The following CACNA1B variants were observed in gnomAD, a reference collection of about 807,000 sequenced individuals.
CACNA1B encodes the protein voltage-dependent N-type calcium channel subunit alpha-1B.
In CACNA1B, 70 loss-of-function variants were observed where a neutral mutation model predicts 247.2. The observed-to-expected ratio is 0.28, with a 90% CI of 0.23 to 0.35. The LOEUF (loss-of-function observed/expected upper bound fraction) is 0.35. Among genes scored for constraint, CACNA1B ranks in the 10% least tolerant of loss-of-function variants. The probability of loss-of-function intolerance (pLI) is 1.00; values close to 1 mark genes in which losing one functional copy is unlikely to be tolerated. For missense variants in CACNA1B, 2,367 were observed against 3,197.4 expected (o/e 0.74, Z 6.26); for synonymous variants, 1,231 against 1,294.4 (o/e 0.95, Z 1.05).
rs1307143332 is a variant in CACNA1B at position 137,890,248 on chromosome 9, G to T, written c.530+7365G>T. On this transcript the variant is annotated intron_variant, in intron 3 of 46. Transcript: ENST00000371372. ...CCTGGCATAGCCGACCCAAGGGAGGGTTGGCCTCTCTGCGGATCTTTCACC... is the reference window on the plus strand; with the variant it reads ...CCTGGCATAGCCGACCCAAGGGAGGTTTGGCCTCTCTGCGGATCTTTCACC... 3 of 149,826 alleles carry T rather than the reference G, an allele frequency of 2.0e-5. 1 individual carries two copies. The Admixed American group carries it at 2.0e-4, about 10-fold the overall frequency. 9.3% of individuals were successfully genotyped at this position (149,826 alleles called of 1,614,324 possible). A position where few individuals can be genotyped will look rare whatever the true frequency, so the allele number is the denominator to read the frequency against.
intron 36 of CACNA1B, among the ~76,000 whole-genome samples, chr9:138,086,606 TACA>T (rs775334130): frequency 6.6e-5 from 10 of 151,140 alleles, no homozygotes; most frequent in Non-Finnish European, 1.5e-4. Context: ...AGCAAGAAAA[TACA>T]ACAATTGTCA....
In CACNA1B at chr9:138,118,688, G is replaced by A. The variant is rs201620164; in HGVS notation, c.5950G>A (p.Gly1984Ser). Residue 1984 changes from glycine to serine, a missense_variant, in exon 44 of 47, where the codon GGC (glycine) becomes AGC (serine). Physicochemically the swap from Gly to Ser is moderately conservative, Grantham distance 56. Transcript: ENST00000371372. ...DVQMQSITRR[G>S]PDGEPQPGLE... ...TCAGATGCAGAGCATAACCCGGAGG[G>A]GCCCTGATGGGGAGCCCCAGCCTGG... is the stretch of plus-strand genomic sequence containing the variant. 6 of 1,565,938 alleles carry A rather than the reference G, an allele frequency of 3.8e-6. No homozygotes were observed. Among genetic ancestry groups the A allele is most frequent in the South Asian group, 1.2e-5 (1 of 85,098 alleles).
chr9:137,914,925 T>C lies in CACNA1B; in HGVS notation c.775+119T>C. 1 of 1,085,810 alleles carries C rather than the reference T, an allele frequency of 9.2e-7. No homozygotes were observed. Among genetic ancestry groups the C allele is most frequent in the Non-Finnish European group, 1.3e-6 (1 of 771,384 alleles). The allele number at this position is 1,085,810 out of a possible 1,614,324, so 67.3% of individuals were successfully genotyped here. ...TGGTGCCAGATACATGAGGTGGAGC[T>C]GACATTCTAGTGGGGGACATAGACG... On this transcript the variant is annotated intron_variant, in intron 5 of 46. Coordinates refer to ENST00000371372, the MANE Select transcript of CACNA1B (RefSeq NM_000718.4). This position sits in a 1 kb window ranked among gnomAD's most constrained non-coding sequence, Gnocchi z 4.3.
rs942359178 is a variant in CACNA1B at position 137,968,590 on chromosome 9, A to G, written c.1334-2793A>G. 3.9e-5 allele frequency among the ~76,000 whole-genome samples: 6 copies of G among 152,258 alleles called. No homozygotes were observed. The East Asian group carries it at 9.6e-4, about 24-fold the overall frequency. On this transcript the variant is annotated intron_variant, in intron 10 of 46. Coordinates refer to ENST00000371372, the MANE Select transcript of CACNA1B (RefSeq NM_000718.4). The stretch of plus-strand genomic sequence containing the variant: ...TGGCAAATACAGCAGCTGCACTGGA[A>G]GGAAACACTTTCTTGTCTGTCTCCC...
chr9:137,956,281 C>T (rs1268370124), intron 8 of CACNA1B, among the ~76,000 whole-genome samples: 1 of 152,186 alleles, frequency 6.6e-6, no homozygotes, highest in African/African-American at 2.4e-5. Context: ...AGACACAAGG[C>T]GGCTGAGTCC....
intron 16 of CACNA1B, among the ~76,000 whole-genome samples, chr9:138,009,132 A>G (rs1425178138): frequency 1.3e-5 from 2 of 152,226 alleles, no homozygotes; most frequent in Admixed American, 6.5e-5. Context: ...CCGTGATGGG[A>G]CAAGGACCTG....
At position 138,015,412 on chromosome 9, in the gene CACNA1B, T is replaced by TGCGTGGCCTGCG. The variant is rs1228068804; in HGVS notation, c.2267+2178_2267+2179insCGTGGCCTGCGG. Among the ~76,000 whole-genome samples the TGCGTGGCCTGCG allele has an allele frequency of 1.4e-3, 209 of 152,068 alleles. 7 individuals are homozygous for TGCGTGGCCTGCG. The highest frequency in any genetic ancestry group is 4.7e-3 in the African/African-American group (193 of 41,318). On this transcript the variant is annotated intron_variant, in intron 18 of 46. Coordinates refer to ENST00000371372, the MANE Select transcript of CACNA1B (RefSeq NM_000718.4). ...TGCTGTTTGCGTGCCTGTGTTGTGCTGAGACCTCCGAGGGCTGAAAGCTGT... is the reference window on the plus strand; with the variant it reads ...TGCTGTTTGCGTGCCTGTGTTGTGCTGCGTGGCCTGCGGAGACCTCCGAGGGCTGAAAGCTGT...
At chr9:138,066,642 G>T (rs1290001261) in intron 31 of CACNA1B, among the ~76,000 whole-genome samples, 1 of 152,160 alleles carries the variant, frequency 6.6e-6, no homozygotes, top group Non-Finnish European at 1.5e-5. Flanking sequence ...TTCTGAATAA[G>T]TCATGGGTAA....
intron 10 of CACNA1B, among the ~76,000 whole-genome samples, chr9:137,965,434 A>T (rs1958063320): frequency 1.3e-5 from 2 of 152,244 alleles, no homozygotes; most frequent in Non-Finnish European, 1.5e-5. Flanking sequence ...TAATCCCAGC[A>T]GTTTGAGAGG....
intron 32 of CACNA1B, among the ~76,000 whole-genome samples, chr9:138,071,983 G>T (rs948821953): frequency 6.6e-6 from 1 of 152,028 alleles, no homozygotes; most frequent in African/African-American, 2.4e-5. Context: ...TTTCTAAGAT[G>T]GCTGGCTTCT....
At chr9:138,060,756 T>C (rs1163191479) in intron 31 of CACNA1B, among the ~76,000 whole-genome samples, 1 of 152,220 alleles carries the variant, frequency 6.6e-6, no homozygotes, top group East Asian at 1.9e-4. Context: ...ACACTTCACA[T>C]TGGGTTCACT....
intron 32 of CACNA1B, among the ~76,000 whole-genome samples, chr9:138,071,422 G>A (rs1960129458): frequency 6.6e-6 from 1 of 152,192 alleles, no homozygotes; most frequent in South Asian, 2.1e-4. Context: ...GCAGGTGCAC[G>A]GCGTGGCGCT....
chr9:137,939,733 G>C (rs1957709598), intron 6 of CACNA1B, among the ~76,000 whole-genome samples: 1 of 151,860 alleles, frequency 6.6e-6, no homozygotes, highest in Non-Finnish European at 1.5e-5. Flanking sequence ...AACCCGGGAG[G>C]CGGAGCTTGC....
At position 137,914,563 on chromosome 9, in the gene CACNA1B, C is replaced by G. The variant is rs1360853407; in HGVS notation, c.623-91C>G. The G allele has an allele frequency of 1.9e-6, 2 of 1,067,108 alleles. No individual in the cohort carries two copies. The highest frequency in any genetic ancestry group is 2.8e-6 in the Non-Finnish European group (2 of 717,678). The allele number at this position is 1,067,108 out of a possible 1,614,324, so 66.1% of individuals were successfully genotyped here. A position where few individuals can be genotyped will look rare whatever the true frequency, so the allele number is the denominator to read the frequency against. ...ACTGCTTAGCACCTTGCTGTCCCTG[C>G]TAGGTTCCTGCTGTTCTGTCCCTGC... On this transcript the variant is annotated intron_variant, in intron 4 of 46. Transcript: ENST00000371372. This position sits in a 1 kb window ranked among gnomAD's most constrained non-coding sequence, Gnocchi z 4.3.
rs9776452 is a variant in CACNA1B, at chr9:137,888,457, C to T, written c.530+5574C>T. ...GGGCCCCCAGAACCCCAAAGCCCTGCGCGTCCCCACCCCTGTTGTGGCTCC... is the reference window on the plus strand; with the variant it reads ...GGGCCCCCAGAACCCCAAAGCCCTGTGCGTCCCCACCCCTGTTGTGGCTCC... On this transcript the variant is annotated intron_variant, in intron 3 of 46. Coordinates refer to ENST00000371372, the MANE Select transcript of CACNA1B (RefSeq NM_000718.4). This position sits in a 1 kb window ranked among gnomAD's most constrained non-coding sequence, Gnocchi z 4.7. 0.082 allele frequency among the ~76,000 whole-genome samples: 12,415 copies of T among 152,296 alleles called. 605 individuals carry two copies. The highest frequency in any genetic ancestry group is 0.11 in the Non-Finnish European group (7,663 of 68,006).
intron 36 of CACNA1B, among the ~76,000 whole-genome samples, chr9:138,088,529 A>G (rs1416639677): frequency 1.3e-5 from 2 of 152,176 alleles, no homozygotes; most frequent in African/African-American, 4.8e-5. Flanking sequence ...GAACAACTGT[A>G]CACCAACACA....
At position 137,891,585 on chromosome 9, in the gene CACNA1B, C is replaced by T. The variant is rs1012181513; in HGVS notation, c.530+8702C>T. ...ATACCCCGGGAGGGTGGGAGCCTTG[C>T]TCCTGTGGGCACGTGGTGGTGGACA... On this transcript the variant is annotated intron_variant, in intron 3 of 46. Coordinates refer to ENST00000371372, the MANE Select transcript of CACNA1B (RefSeq NM_000718.4). This position sits in a 1 kb window ranked among gnomAD's most constrained non-coding sequence, Gnocchi z 4.3. The T allele has an allele frequency of 5.2e-6, 1 of 193,654 alleles. No homozygotes were observed. The highest frequency in any genetic ancestry group is 1.1e-5 in the Non-Finnish European group (1 of 94,836). 12.0% of individuals were successfully genotyped at this position (193,654 alleles called of 1,614,324 possible).
chr9:138,046,756 A>G, intron 21 of CACNA1B, 148 bp from the exon 22 acceptor site: 1 of 704,318 alleles, frequency 1.4e-6, no homozygotes, highest in Non-Finnish European at 2.3e-6. Context: ...CACCAACCAC[A>G]GGGACCATTA....
At chr9:138,116,540 G>A (rs985187069) in intron 42 of CACNA1B, among the ~76,000 whole-genome samples, 6 of 152,330 alleles carry the variant, frequency 3.9e-5, no homozygotes, top group Admixed American at 3.9e-4. Context: ...CTGACTGTAT[G>A]TGCAGGTGGG....
Sources: gnomAD v4.1 joint callset for allele counts (sites outside exome capture counted in the v4.1 genomes callset) on GRCh38, gnomAD v4.1.1 for gene constraint, Gnocchi (gnomAD v3.1) non-coding constraint, MANE v1.5 for transcripts, NCBI Gene and HGNC (gene_info 2026-07-23, HGNC 2026-07-21) for gene names.